The following TENM4 variants were observed in gnomAD, a reference collection of about 807,000 sequenced individuals.
TENM4 encodes teneurin transmembrane protein 4.
A neutral mutation model predicts 243.3 loss-of-function variants in TENM4; 82 were observed. The ratio of observed to expected loss-of-function variants is 0.34; its 90% CI spans 0.28 to 0.40. The LOEUF is 0.40. TENM4 is among the 10% of genes least tolerant of loss of function. The pLI, the probability that TENM4 is intolerant of heterozygous loss-of-function variation, is 1.00. For missense variants in TENM4, 3,138 were observed against 3,673.3 expected (o/e 0.85, Z 3.77); for synonymous variants, 1,412 against 1,456.3 (o/e 0.97, Z 0.69).
chr11:78,977,196 G>A (rs537808752), intron 6 of TENM4, among the ~76,000 whole-genome samples: 24 of 152,270 alleles, frequency 1.6e-4, no homozygotes, highest in African/African-American at 4.8e-4. Flanking sequence ...TGCTCCCTGC[G>A]TGGCGCTGCC....
At chr11:78,890,684 G>A (rs1200302185) in intron 8 of TENM4, among the ~76,000 whole-genome samples, 1 of 152,142 alleles carries the variant, frequency 6.6e-6, no homozygotes, top group Non-Finnish European at 1.5e-5. Flanking sequence ...AAGCTGTGTC[G>A]GGGGACAGAC....
chr11:79,002,618 G>A (rs188589608), intron 6 of TENM4, among the ~76,000 whole-genome samples: 2 of 152,206 alleles, frequency 1.3e-5, no homozygotes, highest in Admixed American at 1.3e-4. Flanking sequence ...ACCCCCAAGC[G>A]CATCAAACAA....
At chr11:78,868,311 A>C (rs1426007133) in intron 9 of TENM4, among the ~76,000 whole-genome samples, 1 of 152,200 alleles carries the variant, frequency 6.6e-6, no homozygotes, top group Non-Finnish European at 1.5e-5. Flanking sequence ...TGACCTAGAT[A>C]AGTAACTTGA....
chr11:79,283,213 AACACAC>A (rs33993080), intron 2 of TENM4, among the ~76,000 whole-genome samples: 1,851 of 136,012 alleles, frequency 0.014, 36 homozygotes, highest in African/African-American at 0.044. Flanking sequence ...CACACACACA[AACACAC>A]ACACACACAC....
chr11:79,350,461 AC>A (rs1265261856), intron 1 of TENM4, among the ~76,000 whole-genome samples: 1 of 134,418 alleles, frequency 7.4e-6, no homozygotes, highest in Non-Finnish European at 1.6e-5. Flanking sequence ...ACAGGGTCTT[AC>A]CCTGTCACCT....
chr11:79,396,884 A>G (rs1406431283), intron 1 of TENM4, among the ~76,000 whole-genome samples: 1 of 152,220 alleles, frequency 6.6e-6, no homozygotes, highest in Non-Finnish European at 1.5e-5. Flanking sequence ...TCAAATGAAA[A>G]TACTGTCTGA....
rs991198777 is a variant in TENM4 at position 78,725,997 on chromosome 11, A to T, written c.3550+82T>A. ...GGAGCCTATGGGATTCAAAATGTGA[A>T]TTTTTTGTTTGGCAGGGCACAAGGG... is the stretch of plus-strand genomic sequence containing the variant. On this transcript the variant is annotated intron_variant, in intron 23 of 33. Transcript: ENST00000278550. The T allele has an allele frequency of 8.3e-6, 13 of 1,557,670 alleles. No homozygotes were observed. The South Asian group carries it at 1.6e-4, about 19-fold the overall frequency.
chr11:79,172,515 A>T (rs1478849125), intron 3 of TENM4, among the ~76,000 whole-genome samples: 1 of 152,032 alleles, frequency 6.6e-6, no homozygotes, highest in Non-Finnish European at 1.5e-5. Context: ...CCCCAACTCC[A>T]ATCCATCAGC....
At chr11:79,408,246 T>C (rs1383592853) in intron 1 of TENM4, among the ~76,000 whole-genome samples, 5 of 152,178 alleles carry the variant, frequency 3.3e-5, no homozygotes, top group Non-Finnish European at 7.3e-5. Flanking sequence ...TTCCTTTTGG[T>C]TAAAATCCTA....
Position 78,702,326 on chromosome 11 carries a change from GACC to G in TENM4, c.4284_4286del (p.Val1429del). The G allele has an allele frequency of 6.2e-7, 1 of 1,614,010 alleles. No individual in the cohort carries two copies. Among genetic ancestry groups the G allele is most frequent in the Non-Finnish European group, 8.5e-7 (1 of 1,179,904 alleles). On this transcript the variant is annotated inframe_deletion, in exon 28 of 34. Coordinates refer to ENST00000278550, the MANE Select transcript of TENM4 (RefSeq NM_001098816.3). ...CCTGGTGGTTTTCAGAGATTTGCAG[GACC>G]ACATTGTTGTCGAGGACATAAAGTG...
intron 6 of TENM4, among the ~76,000 whole-genome samples, chr11:78,993,107 G>A (rs192208578): frequency 1.2e-4 from 18 of 152,206 alleles, no homozygotes; most frequent in African/African-American, 3.1e-4. Context: ...GTGATATGCC[G>A]TGATAGCCTC....
rs267603209 is a variant in TENM4 at position 78,889,922 on chromosome 11, C to T, written c.947G>A (p.Arg316Gln). 5.0e-5 allele frequency: 78 copies of T among 1,551,432 alleles called. No individual in the cohort carries two copies. Among genetic ancestry groups the T allele is most frequent in the Non-Finnish European group, 6.5e-5 (74 of 1,147,010 alleles). ...TSSTVYSPPP[R>Q]PLPRSTFARP... ...GGCGAAGGTGCTGCGGGGCAGGGGT[C>T]GGGGCGGAGGAGAGTACACTGTGCT... is the stretch of plus-strand genomic sequence containing the variant. The change falls in exon 9 of 34, where the codon CGA becomes CAA. Residue 316 changes from arginine (R) to glutamine (Q), a missense_variant. Physicochemically the swap from Arg to Gln is conservative, Grantham distance 43. Around this residue, in one of 2 missense-constraint regions of TENM4, gnomAD observed 671 missense variants for 614.1 expected, o/e 1.09. Coordinates refer to ENST00000278550, the MANE Select transcript of TENM4 (RefSeq NM_001098816.3).
At chr11:79,003,883 A>C (rs1435886277) in intron 6 of TENM4, among the ~76,000 whole-genome samples, 1 of 152,136 alleles carries the variant, frequency 6.6e-6, no homozygotes, top group East Asian at 1.9e-4. Flanking sequence ...GTTGTCTTCA[A>C]GAGACCATCT....
chr11:79,211,108 G>C (rs1363004931), intron 3 of TENM4, among the ~76,000 whole-genome samples: 4 of 152,082 alleles, frequency 2.6e-5, no homozygotes, highest in Admixed American at 2.0e-4. Flanking sequence ...GTTCAGCCTT[G>C]GGTTTGGAAA....
chr11:79,385,623 A>G (rs912099288), intron 1 of TENM4, among the ~76,000 whole-genome samples: 8 of 152,236 alleles, frequency 5.3e-5, no homozygotes, highest in Non-Finnish European at 1.0e-4. Flanking sequence ...ATTCTTATTC[A>G]AAAAATAACC....
intron 6 of TENM4, among the ~76,000 whole-genome samples, chr11:79,017,979 G>C (rs1858822007): frequency 6.6e-6 from 1 of 152,180 alleles, no homozygotes; most frequent in Non-Finnish European, 1.5e-5. Context: ...GAGGAAAGGT[G>C]GTCCTCCCAC....
chr11:79,220,869 A>T (rs983870506), intron 2 of TENM4: 1 of 152,136 alleles, frequency 6.6e-6, no homozygotes, highest in Non-Finnish European at 1.5e-5. Context: ...TGGGATTTTT[A>T]TGCTCCCAGC....
chr11:78,721,407 C>G (rs74844552), intron 24 of TENM4, among the ~76,000 whole-genome samples: 27 of 152,334 alleles, frequency 1.8e-4, no homozygotes, highest in African/African-American at 6.5e-4. Context: ...TCCTTTCACG[C>G]GTGCGCCTTA....
At chr11:79,079,352 C>G (rs141422136) in intron 4 of TENM4, among the ~76,000 whole-genome samples, 54 of 152,228 alleles carry the variant, frequency 3.5e-4, no homozygotes, top group Non-Finnish European at 1.6e-4. Context: ...GGGCTCCCCC[C>G]AGAGCTGCCT....
Sources: allele counts gnomAD v4.1 joint callset (sites outside exome capture counted in the v4.1 genomes callset), GRCh38; gene constraint gnomAD v4.1.1; regional missense constraint gnomAD v4.1.1; transcripts MANE v1.5; gene names NCBI Gene and HGNC (gene_info 2026-07-23, HGNC 2026-07-21).